The following SCAND3 variants were observed in gnomAD, a reference collection of about 807,000 sequenced individuals.
The protein encoded by SCAND3 is SCAN domain containing 3.
chr6:28,607,135 C>T, the SCAND3 span, among the ~76,000 whole-genome samples: 18 of 152,290 alleles, frequency 1.2e-4, no homozygotes, highest in Non-Finnish European at 2.5e-4. Context: ...GAAAGAAATG[C>T]AAAGCAACCT....
the SCAND3 span, among the ~76,000 whole-genome samples, chr6:28,604,964 C>T: frequency 1.7e-4 from 26 of 152,154 alleles, no homozygotes; most frequent in African/African-American, 5.8e-4. Flanking sequence ...CTACTTCTGC[C>T]AGGAGCTAGG....
At chr6:28,575,833 A>C in the SCAND3 span, 1 of 1,614,050 alleles carries the variant, frequency 6.2e-7, no homozygotes, top group South Asian at 1.1e-5. This position sits in a 1 kb window ranked among gnomAD's most constrained non-coding sequence, Gnocchi z 4.2. Context: ...TTCCCCATTT[A>C]CAGCCTCAAT....
chr6:28,598,407 A>C, the SCAND3 span, among the ~76,000 whole-genome samples: 1 of 151,960 alleles, frequency 6.6e-6, no homozygotes, highest in Non-Finnish European at 1.5e-5. Context: ...TTCCTTTGAA[A>C]TCTTTACTTC....
the SCAND3 span, among the ~76,000 whole-genome samples, chr6:28,582,492 T>C: frequency 1.3e-5 from 2 of 152,116 alleles, no homozygotes; most frequent in African/African-American, 4.8e-5. This position sits in a 1 kb window ranked among gnomAD's most constrained non-coding sequence, Gnocchi z 4.8. Context: ...TGCTGCAACA[T>C]AACATATGAA....
chr6:28,613,028 C>A, the SCAND3 span, among the ~76,000 whole-genome samples: 2 of 151,976 alleles, frequency 1.3e-5, no homozygotes, highest in Non-Finnish European at 2.9e-5. Context: ...TATCTAGAGA[C>A]TAGATGTTAC....
At chr6:28,597,443 C>T in the SCAND3 span, among the ~76,000 whole-genome samples, 1 of 151,944 alleles carries the variant, frequency 6.6e-6, no homozygotes, top group East Asian at 1.9e-4. Flanking sequence ...GTGGCAAAGT[C>T]ATTTTCTTCC....
chr6:28,601,362 C>G, the SCAND3 span, among the ~76,000 whole-genome samples: 3 of 152,116 alleles, frequency 2.0e-5, no homozygotes, highest in African/African-American at 7.2e-5. Flanking sequence ...TTTGTTGAAC[C>G]TGGTTGATAT....
chr6:28,581,896 G>A, the SCAND3 span, among the ~76,000 whole-genome samples: 1 of 152,194 alleles, frequency 6.6e-6, no homozygotes, highest in Admixed American at 6.5e-5. Flanking sequence ...ATAGACACTG[G>A]GTTGGCAGCT....
chr6:28,611,818 G>T, the SCAND3 span, among the ~76,000 whole-genome samples: 2 of 152,196 alleles, frequency 1.3e-5, no homozygotes, highest in Admixed American at 1.3e-4. Flanking sequence ...AATAGGAGTT[G>T]TTTTCCACTG....
the SCAND3 span, among the ~76,000 whole-genome samples, chr6:28,604,615 C>CA: frequency 7.5e-3 from 936 of 124,386 alleles, 5 homozygotes; most frequent in Non-Finnish European, 0.012. Context: ...GACTCTGTCT[C>CA]AAAAAAAAAA....
At chr6:28,602,400 G>A in the SCAND3 span, among the ~76,000 whole-genome samples, 1 of 152,110 alleles carries the variant, frequency 6.6e-6, no homozygotes, top group African/African-American at 2.4e-5. Context: ...TAGAGACAGG[G>A]TTTCACTAGG....
chr6:28,580,788 T>C, the SCAND3 span, among the ~76,000 whole-genome samples: 1 of 113,082 alleles, frequency 8.8e-6, no homozygotes, highest in Admixed American at 9.2e-5. Flanking sequence ...TCACTGACTC[T>C]CCCCCACCCC....
chr6:28,605,047 C>T, the SCAND3 span, among the ~76,000 whole-genome samples: 2 of 152,158 alleles, frequency 1.3e-5, no homozygotes, highest in African/African-American at 4.8e-5. Context: ...AGGCTCAGCT[C>T]CTCCAACTCT....
the SCAND3 span, chr6:28,575,774 G>T: frequency 6.2e-7 from 1 of 1,614,044 alleles, no homozygotes; most frequent in Non-Finnish European, 8.5e-7. This position sits in a 1 kb window ranked among gnomAD's most constrained non-coding sequence, Gnocchi z 4.2. Flanking sequence ...GTATTATGCA[G>T]AATGTCAAAT....
At chr6:28,604,345 T>C in the SCAND3 span, among the ~76,000 whole-genome samples, 2 of 152,164 alleles carry the variant, frequency 1.3e-5, no homozygotes, top group Non-Finnish European at 2.9e-5. Flanking sequence ...GGCCAGGCAC[T>C]GTGGCTCACG....
At chr6:28,601,562 G>A in the SCAND3 span, among the ~76,000 whole-genome samples, 2 of 152,064 alleles carry the variant, frequency 1.3e-5, no homozygotes, top group Admixed American at 6.5e-5. Context: ...CTCTGTCGCC[G>A]AGGCTGAACT....
chr6:28,572,315 A>G, the SCAND3 span: 1 of 1,599,184 alleles, frequency 6.3e-7, no homozygotes, highest in Non-Finnish European at 8.5e-7. The surrounding 1 kb of genome is among the most constrained non-coding windows in gnomAD (Gnocchi z 4.1). Flanking sequence ...GATGGAAAAT[A>G]AAATTCAAAA....
the SCAND3 span, among the ~76,000 whole-genome samples, chr6:28,588,605 A>G: frequency 4.9e-4 from 74 of 152,366 alleles, no homozygotes; most frequent in African/African-American, 1.7e-3. The surrounding 1 kb of genome is among the most constrained non-coding windows in gnomAD (Gnocchi z 4.1). Context: ...AAATGTACAT[A>G]CAAAATTGAG....
chr6:28,572,052 G>T, the SCAND3 span: 1 of 1,613,986 alleles, frequency 6.2e-7, no homozygotes, highest in South Asian at 1.1e-5. This position sits in a 1 kb window ranked among gnomAD's most constrained non-coding sequence, Gnocchi z 4.1. Context: ...TAGAGAATCC[G>T]GTCTCACAGA....
Sources: gnomAD v4.1 joint callset for allele counts (sites outside exome capture counted in the v4.1 genomes callset) on GRCh38, gnomAD v4.1.1 for gene constraint, Gnocchi (gnomAD v3.1) non-coding constraint, MANE v1.5 for transcripts, NCBI Gene and HGNC (gene_info 2026-07-23, HGNC 2026-07-21) for gene names.